Variants in GALK2 observed in about 807,000 individuals in gnomAD.
GALK2 encodes the protein N-acetylgalactosamine kinase.
Under a neutral mutation model 52.4 loss-of-function variants are expected in GALK2, and 36 were observed. The observed-to-expected ratio is 0.69, with a 90% CI of 0.53 to 0.91. The LOEUF is 0.91. Ranked by LOEUF, GALK2 falls within the 40% of genes least tolerant of loss-of-function variation. The pLI, the probability that GALK2 is intolerant of heterozygous loss-of-function variation, is 0.00. For synonymous variants in GALK2, 176 were observed against 199.1 expected (o/e 0.88, Z 0.98); for missense variants, 579 against 559.1 (o/e 1.04, Z -0.36).
intron 5 of GALK2, among the ~76,000 whole-genome samples, chr15:49,244,440 A>G (rs1595810821): frequency 6.6e-6 from 1 of 152,206 alleles, no homozygotes; most frequent in Non-Finnish European, 1.5e-5. Flanking sequence ...GAAAGAAATC[A>G]TAATCAAAGG....
At chr15:49,292,267 A>G in intron 7 of GALK2, 60 bp from the exon 8 acceptor site, 1 of 1,456,256 alleles carries the variant, frequency 6.9e-7, no homozygotes, top group African/African-American at 1.4e-5. Context: ...CTGGCTAATT[A>G]AAATAGTACA....
intron 5 of GALK2, among the ~76,000 whole-genome samples, chr15:49,256,005 C>G (rs1011493826): frequency 6.6e-6 from 1 of 152,002 alleles, no homozygotes; most frequent in African/African-American, 2.4e-5. Flanking sequence ...TAAAAATAAC[C>G]AAAGCAGATG....
At chr15:49,272,128 A>G (rs1007952438) in intron 5 of GALK2, among the ~76,000 whole-genome samples, 1 of 152,174 alleles carries the variant, frequency 6.6e-6, no homozygotes, top group African/African-American at 2.4e-5. Context: ...CTTTTGAGCC[A>G]GGCCTTTCTG....
In GALK2 at chr15:49,328,265, C is replaced by A; in HGVS notation, c.*106C>A. ...TCCTTCTGTTTTGTATTATGATGAA[C>A]GGTTGCTATTATATCAAGATATATT... is the stretch of plus-strand genomic sequence containing the variant. On this transcript the variant is annotated 3_prime_UTR_variant, in exon 10 of 10. Coordinates refer to ENST00000560031, the MANE Select transcript of GALK2 (RefSeq NM_002044.4). 1 of 1,459,106 alleles carries A rather than the reference C, an allele frequency of 6.9e-7. No homozygotes were observed. The highest frequency in any genetic ancestry group is 9.0e-7 in the Non-Finnish European group (1 of 1,105,328). 90.4% of individuals were successfully genotyped at this position (1,459,106 alleles called of 1,614,324 possible).
At chr15:49,286,585 GT>G (rs1261864775) in intron 7 of GALK2, among the ~76,000 whole-genome samples, 9 of 152,226 alleles carry the variant, frequency 5.9e-5, no homozygotes, top group Non-Finnish European at 1.2e-4. Flanking sequence ...TGATTTAAAT[GT>G]TTTGAATTTT....
At chr15:49,211,804 A>C (rs1421700418) in intron 2 of GALK2, among the ~76,000 whole-genome samples, 2 of 152,320 alleles carry the variant, frequency 1.3e-5, no homozygotes, top group Admixed American at 1.3e-4. Context: ...AACCACACTC[A>C]GGAGATTGTG....
intron 1 of GALK2, chr15:49,177,712 C>T (rs915223813): frequency 1.4e-6 from 1 of 709,982 alleles, no homozygotes; most frequent in Non-Finnish European, 2.1e-6. Context: ...GATCTTTCGG[C>T]CTGCAGATGT....
chr15:49,249,786 C>T (rs576114358), intron 5 of GALK2, among the ~76,000 whole-genome samples: 1 of 152,300 alleles, frequency 6.6e-6, no homozygotes, highest in Non-Finnish European at 1.5e-5. Context: ...GTTCTTAGCT[C>T]CCACAATTTA....
rs2037930101 is a variant in GALK2, at chr15:49,328,603, T to C, written c.*444T>C. On this transcript the variant is annotated 3_prime_UTR_variant, in exon 10 of 10. Transcript: ENST00000560031. ...TCTTCCTCAAAGTTGTAGTTGTCTG[T>C]TGATGATGGTGATGATGATGATGAT... is the stretch of plus-strand genomic sequence containing the variant. The C allele has an allele frequency of 1.3e-6, 2 of 1,594,604 alleles. No homozygotes were observed. Among genetic ancestry groups the C allele is most frequent in the African/African-American group, 2.7e-5 (2 of 74,816 alleles).
At chr15:49,208,057 G>A (rs2088468942) in intron 2 of GALK2, among the ~76,000 whole-genome samples, 1 of 152,200 alleles carries the variant, frequency 6.6e-6, no homozygotes, top group Admixed American at 6.5e-5. Context: ...ACAGGCGTGA[G>A]TCACTGCGCC....
intron 8 of GALK2, among the ~76,000 whole-genome samples, chr15:49,299,804 G>T (rs2034937663): frequency 9.1e-6 from 1 of 109,544 alleles, no homozygotes; most frequent in Non-Finnish European, 1.9e-5. Flanking sequence ...TCGTGCTGTA[G>T]TCTGAGAGCG....
chr15:49,279,642 AC>A (rs1205977299), intron 5 of GALK2, among the ~76,000 whole-genome samples: 1 of 152,208 alleles, frequency 6.6e-6, no homozygotes, highest in Non-Finnish European at 1.5e-5. Context: ...TAGTATACTT[AC>A]CACATACTGT....
chr15:49,272,596 A>G lies in GALK2; in HGVS notation c.505-9391A>G, dbSNP rs567261204. 3.3e-5 allele frequency among the ~76,000 whole-genome samples: 5 copies of G among 152,258 alleles called. No homozygotes were observed. The South Asian group carries it at 1.0e-3, about 32-fold the overall frequency. On this transcript the variant is annotated intron_variant, in intron 5 of 9. Coordinates refer to ENST00000560031, the MANE Select transcript of GALK2 (RefSeq NM_002044.4). ...ATACTGTACTCTTTTCTCCCTTTGCATCTCATTATTACCTTTTAGATTCAT... is the reference window on the plus strand; with the variant it reads ...ATACTGTACTCTTTTCTCCCTTTGCGTCTCATTATTACCTTTTAGATTCAT...
At chr15:49,210,416 ATTTATTTTAT>A (rs1555404964) in intron 2 of GALK2, among the ~76,000 whole-genome samples, 3 of 148,648 alleles carry the variant, frequency 2.0e-5, no homozygotes, top group Non-Finnish European at 3.0e-5. Flanking sequence ...TTAGTGGCTG[ATTTATTTTAT>A]TTTATTTTAT....
chr15:49,286,613 A>G (rs1242619821), intron 7 of GALK2, among the ~76,000 whole-genome samples: 2 of 152,238 alleles, frequency 1.3e-5, no homozygotes, highest in Non-Finnish European at 2.9e-5. Context: ...ACTTATTAAG[A>G]TAGTGTCTAA....
rs187255035 is a variant in GALK2, at chr15:49,299,695, A to T, written c.967+7158A>T. Among the ~76,000 whole-genome samples the T allele has an allele frequency of 7.3e-5, 10 of 136,774 alleles. No individual in the cohort carries two copies. In the East Asian group the frequency reaches 1.8e-3, roughly 25 times the overall value. 89.7% of individuals were successfully genotyped at this position (136,774 alleles called of 152,430 possible). A position where few individuals can be genotyped will look rare whatever the true frequency, so the allele number is the denominator to read the frequency against. ...TCATGGGATTGTATGGTTTTGAGAG[A>T]TCTTCTTGGTATTGCTTTCTTTCTT... On this transcript the variant is annotated intron_variant, in intron 8 of 9. Coordinates refer to ENST00000560031, the MANE Select transcript of GALK2 (RefSeq NM_002044.4).
chr15:49,268,696 T>C (rs184762755), intron 5 of GALK2, among the ~76,000 whole-genome samples: 7 of 152,312 alleles, frequency 4.6e-5, no homozygotes, highest in African/African-American at 1.7e-4. Flanking sequence ...GAAATGATCA[T>C]CTTCTTTTTC....
At chr15:49,301,246 T>C (rs1413842616) in intron 8 of GALK2, among the ~76,000 whole-genome samples, 1 of 152,196 alleles carries the variant, frequency 6.6e-6, no homozygotes, top group Non-Finnish European at 1.5e-5. Context: ...TGTTTCCAAA[T>C]TTCTAATAAT....
intron 1 of GALK2, among the ~76,000 whole-genome samples, chr15:49,197,754 T>A (rs1323915214): frequency 1.3e-5 from 2 of 152,206 alleles, no homozygotes; most frequent in South Asian, 2.1e-4. Flanking sequence ...TGGTACATTT[T>A]ATGTTTTTCT....
Sources: allele counts gnomAD v4.1 joint callset (sites outside exome capture counted in the v4.1 genomes callset), GRCh38; gene constraint gnomAD v4.1.1; transcripts MANE v1.5; gene names NCBI Gene and HGNC (gene_info 2026-07-23, HGNC 2026-07-21).